Variants in INPP4B observed in about 807,000 individuals in gnomAD.
The protein encoded by INPP4B is inositol polyphosphate-4-phosphatase type II B.
Under a neutral mutation model 122.5 loss-of-function variants are expected in INPP4B, and 55 were observed. The observed-to-expected ratio is 0.45, with a 90% CI of 0.36 to 0.56. The LOEUF is 0.56. Ranked by LOEUF, INPP4B falls within the 20% of genes least tolerant of loss-of-function variation. INPP4B has a pLI of 0.00. For missense variants in INPP4B, 1,000 were observed against 1,097.7 expected (o/e 0.91, Z 1.26); for synonymous variants, 403 against 388.7 (o/e 1.04, Z -0.43).
chr4:142,658,121 C>T (rs1754491582), intron 2 of INPP4B, among the ~76,000 whole-genome samples: 1 of 152,126 alleles, frequency 6.6e-6, no homozygotes, highest in Admixed American at 6.5e-5. Context: ...TATTGTAAAC[C>T]ATGAAGATAA....
intron 2 of INPP4B, among the ~76,000 whole-genome samples, chr4:142,643,564 G>A (rs1313482151): frequency 6.6e-6 from 1 of 151,950 alleles, no homozygotes; most frequent in Non-Finnish European, 1.5e-5. Flanking sequence ...AAAGCTTTTT[G>A]TTTTATGAAT....
intron 2 of INPP4B, among the ~76,000 whole-genome samples, chr4:142,542,477 T>C (rs926124259): frequency 6.6e-6 from 1 of 152,168 alleles, no homozygotes. Context: ...CTAGCAAATT[T>C]TATGTGTCTG....
At chr4:142,726,725 T>C (rs10024696) in intron 1 of INPP4B, among the ~76,000 whole-genome samples, 102,534 of 152,038 alleles carry the variant, frequency 0.67, 34,784 homozygotes, top group East Asian at 0.83. Context: ...TAAAACAACA[T>C]TGATTAATTG....
intron 2 of INPP4B, among the ~76,000 whole-genome samples, chr4:142,502,670 G>A (rs1233999449): frequency 6.6e-6 from 1 of 151,822 alleles, no homozygotes; most frequent in Non-Finnish European, 1.5e-5. Flanking sequence ...TAGTAGAGAT[G>A]GGTTTTCACC....
chr4:142,748,782 A>C (rs331959), intron 1 of INPP4B, among the ~76,000 whole-genome samples: 35,285 of 151,892 alleles, frequency 0.23, 4,361 homozygotes, highest in South Asian at 0.35. Flanking sequence ...AAAAAGTACA[A>C]GGGGAAAAAA....
chr4:142,114,021 A>G (rs1277604468), intron 21 of INPP4B, among the ~76,000 whole-genome samples: 1 of 151,942 alleles, frequency 6.6e-6, no homozygotes, highest in Admixed American at 6.6e-5. Flanking sequence ...CCTATGAATG[A>G]ATTTTATTTT....
At chr4:142,629,066 A>C (rs755389189) in intron 2 of INPP4B, among the ~76,000 whole-genome samples, 4 of 152,040 alleles carry the variant, frequency 2.6e-5, no homozygotes, top group Non-Finnish European at 4.4e-5. Flanking sequence ...TTTTGATGAG[A>C]GTATGCTGTT....
At chr4:142,282,130 T>C (rs976763170) in intron 9 of INPP4B, among the ~76,000 whole-genome samples, 5 of 152,056 alleles carry the variant, frequency 3.3e-5, no homozygotes, top group African/African-American at 1.2e-4. Flanking sequence ...AGTGCTGTGT[T>C]GGGGCTGCTA....
intron 2 of INPP4B, among the ~76,000 whole-genome samples, chr4:142,700,863 T>C (rs906586390): frequency 6.6e-6 from 1 of 152,142 alleles, no homozygotes; most frequent in African/African-American, 2.4e-5. Context: ...TAGATAATAT[T>C]ATACCTAAAA....
intron 7 of INPP4B, among the ~76,000 whole-genome samples, chr4:142,316,478 T>C (rs1445618847): frequency 6.6e-6 from 1 of 152,206 alleles, no homozygotes; most frequent in African/African-American, 2.4e-5. Context: ...TGTATGTATA[T>C]GTATAGTTTG....
intron 23 of INPP4B, 143 bp from the exon 24 acceptor site, chr4:142,086,399 G>T: frequency 8.3e-6 from 5 of 606,018 alleles, no homozygotes; most frequent in Non-Finnish European, 1.5e-5. Flanking sequence ...AGGCTGGAGT[G>T]CCAATGGGGC....
rs563977703 is a variant in INPP4B, at chr4:142,527,353, T to C, written c.-190-64627A>G. 7.2e-5 allele frequency among the ~76,000 whole-genome samples: 11 copies of C among 151,934 alleles called. No homozygotes were observed. The South Asian group carries it at 1.9e-3, about 26-fold the overall frequency. ...AAAATAAAAATCAAACACATATACA[T>C]ACACACACACATATATGCATATACC... On this transcript the variant is annotated intron_variant, in intron 2 of 25. Transcript: ENST00000262992.
At chr4:142,390,500 A>AT (rs1466932208) in intron 7 of INPP4B, among the ~76,000 whole-genome samples, 2 of 152,202 alleles carry the variant, frequency 1.3e-5, no homozygotes. Flanking sequence ...CCAAAATCAA[A>AT]TTTCAGCTTC....
chr4:142,323,797 C>T (rs1008753541), intron 7 of INPP4B, among the ~76,000 whole-genome samples: 28 of 151,248 alleles, frequency 1.9e-4, no homozygotes, highest in Admixed American at 1.6e-3. Flanking sequence ...CAGATGATAC[C>T]TTCCAGCAGA....
At chr4:142,305,412 A>G (rs1487223015) in intron 9 of INPP4B, 46 bp downstream of exon 9, 3 of 1,394,148 alleles carry the variant, frequency 2.2e-6, no homozygotes, top group African/African-American at 1.4e-5. Context: ...AATAAATATC[A>G]CTTGTTATTA....
intron 14 of INPP4B, among the ~76,000 whole-genome samples, chr4:142,193,572 TAACG>T (rs1380898757): frequency 7.9e-5 from 12 of 152,078 alleles, no homozygotes; most frequent in Admixed American, 7.9e-4. Flanking sequence ...AATTCAACAA[TAACG>T]AACAATCTTT....
At chr4:142,073,745 T>C (rs1768888842) in intron 25 of INPP4B, among the ~76,000 whole-genome samples, 1 of 152,112 alleles carries the variant, frequency 6.6e-6, no homozygotes, top group African/African-American at 2.4e-5. Flanking sequence ...ATTATTTCCT[T>C]GATTCTCTTG....
In INPP4B at chr4:142,650,359, C is replaced by T. The variant is rs543116319; in HGVS notation, c.-191+75480G>A. Among the ~76,000 whole-genome samples, 20 of 152,250 alleles carry T rather than the reference C, an allele frequency of 1.3e-4. No homozygotes were observed. The East Asian group carries it at 3.9e-3, about 29-fold the overall frequency. On this transcript the variant is annotated intron_variant, in intron 2 of 25. Transcript: ENST00000262992. ...TCATAATGACAGGATCAAATTCACA[C>T]ATAACAATATTAACCTTAAATGTAA...
At chr4:142,542,352 T>C (rs576021580) in intron 2 of INPP4B, among the ~76,000 whole-genome samples, 11 of 152,214 alleles carry the variant, frequency 7.2e-5, no homozygotes, top group African/African-American at 9.6e-5. Flanking sequence ...ATGTTCTGAT[T>C]AGAAACTCAT....
Sources: allele counts gnomAD v4.1 joint callset (sites outside exome capture counted in the v4.1 genomes callset), GRCh38; gene constraint gnomAD v4.1.1; transcripts MANE v1.5; gene names NCBI Gene and HGNC (gene_info 2026-07-23, HGNC 2026-07-21).